Variants in DDX60L observed in about 807,000 individuals in gnomAD.
DDX60L encodes DExD/H-box 60 like.
DDX60L carries 191 observed loss-of-function variants against 211.6 expected under a neutral mutation model. That is an observed-to-expected ratio of 0.90 (90% CI 0.80 to 1.02). The LOEUF (loss-of-function observed/expected upper bound fraction) is 1.02. Among genes scored for constraint, DDX60L ranks in the 50% least tolerant of loss-of-function variants. The pLI, the probability that DDX60L is intolerant of heterozygous loss-of-function variation, is 0.00. For missense variants in DDX60L, 2,007 were observed against 1,984.1 expected, an observed-to-expected ratio of 1.01 and a Z score of -0.22; for synonymous variants, 706 against 694.1, an observed-to-expected ratio of 1.02 and a Z score of -0.27.
intron 17 of DDX60L, 124 bp from the exon 18 acceptor site, chr4:168,420,504 A>G: frequency 2.6e-6 from 2 of 783,944 alleles, no homozygotes; most frequent in Non-Finnish European, 3.9e-6. Context: ...ACACACACAC[A>G]CTTCAATGAA....
At chr4:168,363,812 C>T (rs545235733) in intron 36 of DDX60L, among the ~76,000 whole-genome samples, 1 of 152,126 alleles carries the variant, frequency 6.6e-6, no homozygotes, top group East Asian at 1.9e-4. Flanking sequence ...TACAAAACGA[C>T]CAGAAAACAA....
At chr4:168,445,694 C>T (rs1351051144) in intron 9 of DDX60L, among the ~76,000 whole-genome samples, 2 of 151,306 alleles carry the variant, frequency 1.3e-5, no homozygotes, top group Admixed American at 6.6e-5. Flanking sequence ...ATCAAGTGGG[C>T]TTCATCCCTG....
Position 168,391,581 on chromosome 4 carries a change from C to CA in DDX60L, c.3873dup (p.Ala1292CysfsTer34). 1 of 1,588,844 alleles carries CA rather than the reference C, an allele frequency of 6.3e-7. No individual in the cohort carries two copies. The highest frequency in any genetic ancestry group is 1.1e-5 in the South Asian group (1 of 88,926). On this transcript the variant is annotated frameshift_variant, in exon 29 of 38. Coordinates refer to ENST00000682922, the MANE Select transcript of DDX60L (RefSeq NM_001012967.3). LOFTEE classifies it high-confidence loss of function. ...GCATCCAGATAGACTGAGTCTTGGG[C>CA]AAAAACAACAGATTTGCATGGCATG...
At chr4:168,454,186 A>G (rs571529019) in intron 7 of DDX60L, among the ~76,000 whole-genome samples, 9 of 152,300 alleles carry the variant, frequency 5.9e-5, no homozygotes, top group African/African-American at 2.2e-4. Context: ...AATCATGCTG[A>G]AATAAAGTTT....
chr4:168,411,538 AGAG>A lies in DDX60L; in HGVS notation c.2979+3867_2979+3869del, dbSNP rs767743332. ...GGGAGCATTTAGACTAGCCTGACCC[AGAG>A]GAGAACTGCCCATCCCAGCAGTCGA... On this transcript the variant is annotated intron_variant, in intron 22 of 37. Transcript: ENST00000682922. Among the ~76,000 whole-genome samples the A allele has an allele frequency of 5.9e-4, 90 of 152,190 alleles. 3 individuals are homozygous for A. The highest frequency in any genetic ancestry group is 8.8e-5 in the Non-Finnish European group (6 of 68,032).
At chr4:168,421,040 T>C (rs1750522247) in intron 17 of DDX60L, among the ~76,000 whole-genome samples, 1 of 152,208 alleles carries the variant, frequency 6.6e-6, no homozygotes, top group African/African-American at 2.4e-5. Context: ...TTGACCTATA[T>C]GGCCATATTG....
At chr4:168,377,974 G>T (rs1341220032) in intron 33 of DDX60L, 1 of 154,394 alleles carries the variant, frequency 6.5e-6, no homozygotes, top group Non-Finnish European at 1.4e-5. Flanking sequence ...TGTCTGAAGA[G>T]GACATTAGAG....
Position 168,357,183 on chromosome 4 carries a change from A to C in DDX60L, c.*964T>G, listed in dbSNP as rs1035179114. 2.0e-5 allele frequency: 3 copies of C among 152,200 alleles called. No homozygotes were observed. Among genetic ancestry groups the C allele is most frequent in the Non-Finnish European group, 4.4e-5 (3 of 68,026 alleles). The allele number at this position is 152,200 out of a possible 1,614,324, so 9.4% of individuals were successfully genotyped here. A position where few individuals can be genotyped will look rare whatever the true frequency, so the allele number is the denominator to read the frequency against. The stretch of plus-strand genomic sequence containing the variant: ...ACACACTCCTTAATCACTGCCAGGA[A>C]GTGTACTCTTGATCATTTAGAAATA... On this transcript the variant is annotated 3_prime_UTR_variant, in exon 38 of 38. Coordinates refer to ENST00000682922, the MANE Select transcript of DDX60L (RefSeq NM_001012967.3).
rs1309379754 is a variant in DDX60L at position 168,358,092 on chromosome 4, T to G, written c.*55A>C. Reference sequence around the variant, plus strand: ...TTCATTGTGTAAGCTTAATTATATCTCTCCTTGCAAAGGGATAAATACCAC... The same window carrying G: ...TTCATTGTGTAAGCTTAATTATATCGCTCCTTGCAAAGGGATAAATACCAC... On this transcript the variant is annotated 3_prime_UTR_variant, in exon 38 of 38. Transcript: ENST00000682922. 5 of 1,502,968 alleles carry G rather than the reference T, an allele frequency of 3.3e-6. No individual in the cohort carries two copies. The highest frequency in any genetic ancestry group is 1.8e-6 in the Non-Finnish European group (2 of 1,097,104). The allele number at this position is 1,502,968 out of a possible 1,614,324, so 93.1% of individuals were successfully genotyped here. A position where few individuals can be genotyped will look rare whatever the true frequency, so the allele number is the denominator to read the frequency against.
At chr4:168,459,287 A>C (rs1756985669) in intron 5 of DDX60L, among the ~76,000 whole-genome samples, 1 of 151,988 alleles carries the variant, frequency 6.6e-6, no homozygotes, top group Non-Finnish European at 1.5e-5. Flanking sequence ...GGAGTTTGAA[A>C]CCAGCCTGGG....
chr4:168,435,815 A>G (rs777690120), intron 10 of DDX60L, among the ~76,000 whole-genome samples: 5 of 152,172 alleles, frequency 3.3e-5, no homozygotes, highest in Non-Finnish European at 5.9e-5. Flanking sequence ...GCTCGGATCT[A>G]GTGAATAAGA....
At position 168,384,830 on chromosome 4, in the gene DDX60L, TCA is replaced by T. The variant is rs1743576751; in HGVS notation, c.3916-20_3916-19del. 2 of 1,605,482 alleles carry T rather than the reference TCA, an allele frequency of 1.2e-6. No individual in the cohort carries two copies. Among genetic ancestry groups the T allele is most frequent in the South Asian group, 2.2e-5 (2 of 89,926 alleles). ...CCAGACATCTGGAAGCAGCAAAGAA[TCA>T]CAATGTAAAACCTCCACAGATAATT... On this transcript the variant is annotated intron_variant, in intron 29 of 37. Coordinates refer to ENST00000682922, the MANE Select transcript of DDX60L (RefSeq NM_001012967.3).
chr4:168,427,311 G>A lies in DDX60L; in HGVS notation c.1689C>T (p.Pro563=). 6.2e-7 allele frequency: 1 copy of A among 1,612,696 alleles called. No individual in the cohort carries two copies. Among genetic ancestry groups the A allele is most frequent in the Non-Finnish European group, 8.5e-7 (1 of 1,179,644 alleles). Residue 563 remains proline (P), a synonymous_variant, in exon 14 of 38, where the codon CCC becomes CCT. Coordinates refer to ENST00000682922, the MANE Select transcript of DDX60L (RefSeq NM_001012967.3). ...TCTTACTCTTTTTGGTAATTTGGTG[G>A]GGTTTGGTATTCTGCTCAATAATAA... ...ASGEILQNTK[P]HQITKKSKKK...
At position 168,430,522 on chromosome 4, in the gene DDX60L, G is replaced by A. The variant is rs201155959; in HGVS notation, c.1633C>T (p.Arg545Trp). The change falls in exon 13 of 38, where the codon CGG (arginine) becomes TGG (tryptophan). Residue 545 changes from arginine (R) to tryptophan (W), a missense_variant. Coordinates refer to ENST00000682922, the MANE Select transcript of DDX60L (RefSeq NM_001012967.3). ...STKVIVTQTT[R>W]PKEDSSGASG... is the part of the protein sequence containing the mutation. ...GCACCACTGGAATCCTCCTTTGGCC[G>A]AGTAGTTTGAGTCACAATGACTTTC... 280 of 1,609,956 alleles carry A rather than the reference G, an allele frequency of 1.7e-4. No individual in the cohort carries two copies. In the East Asian group the frequency reaches 4.8e-3, roughly 28 times the overall value.
intron 8 of DDX60L, among the ~76,000 whole-genome samples, chr4:168,449,407 T>C (rs1301024904): frequency 1.6e-5 from 2 of 121,822 alleles, no homozygotes; most frequent in African/African-American, 6.7e-5. Context: ...TAGGTGGGAA[T>C]TGAACAATGA....
At chr4:168,440,800 C>T (rs1378511030) in intron 10 of DDX60L, among the ~76,000 whole-genome samples, 2 of 152,090 alleles carry the variant, frequency 1.3e-5, no homozygotes, top group Non-Finnish European at 2.9e-5. Context: ...AATTCAATAG[C>T]CAATAGGAAA....
At chr4:168,420,920 G>A (rs1750502766) in intron 17 of DDX60L, among the ~76,000 whole-genome samples, 1 of 152,014 alleles carries the variant, frequency 6.6e-6, no homozygotes, top group Non-Finnish European at 1.5e-5. Context: ...AAAATTTTCA[G>A]CCCCTAGGAT....
At chr4:168,425,551 C>T (rs950002347) in intron 14 of DDX60L, among the ~76,000 whole-genome samples, 6 of 152,176 alleles carry the variant, frequency 3.9e-5, no homozygotes, top group Non-Finnish European at 8.8e-5. Context: ...CACCTGAGGT[C>T]AGGAGTTCAA....
chr4:168,391,390 A>T (rs1037313920), intron 29 of DDX60L, 150 bp downstream of exon 29: 1 of 598,822 alleles, frequency 1.7e-6, no homozygotes, highest in Admixed American at 2.8e-5. Context: ...AAGCAACAAG[A>T]TATGAGGCCA....
Sources: allele counts gnomAD v4.1 joint callset (sites outside exome capture counted in the v4.1 genomes callset), GRCh38; gene constraint gnomAD v4.1.1; transcripts MANE v1.5; gene names NCBI Gene and HGNC (gene_info 2026-07-23, HGNC 2026-07-21).